The following KAT6B variants were observed in gnomAD, a reference collection of about 807,000 sequenced individuals.
KAT6B encodes the protein histone acetyltransferase KAT6B.
In KAT6B, 10 loss-of-function variants were observed where a neutral mutation model predicts 187.5. The ratio of observed to expected loss-of-function variants is 0.05; its 90% CI spans 0.03 to 0.09. KAT6B has a LOEUF of 0.09. Ranked by LOEUF, KAT6B falls within the 10% of genes least tolerant of loss-of-function variation. The pLI is 1.00. For missense variants in KAT6B, 1,952 were observed against 2,558.9 expected (o/e 0.76, Z 5.12); for synonymous variants, 861 against 926.8 (o/e 0.93, Z 1.29).
chr10:74,897,179 C>T (rs897946403), intron 3 of KAT6B, among the ~76,000 whole-genome samples: 1 of 152,026 alleles, frequency 6.6e-6, no homozygotes, highest in African/African-American at 2.4e-5. Context: ...TTCAGAGAGC[C>T]CTTTTTGTAA....
chr10:75,028,767 G>C lies in KAT6B; in HGVS notation c.3943G>C (p.Gly1315Arg), dbSNP rs756960480. 2.3e-5 allele frequency: 37 copies of C among 1,613,992 alleles called. No individual in the cohort carries two copies. Among genetic ancestry groups the C allele is most frequent in the Non-Finnish European group, 3.0e-5 (35 of 1,180,040 alleles). The change falls in exon 18 of 18, where the codon GGG (glycine) becomes CGG (arginine). Residue 1315 changes from glycine to arginine, a missense_variant. By Grantham distance (125) the Gly-to-Arg change is moderately radical. Around this residue, in one of 9 missense-constraint regions of KAT6B, gnomAD observed 758 missense variants for 891.4 expected, o/e 0.85. Transcript: ENST00000287239. ...IRIEEEVKET[G>R]EALLPQEENR... ...GATTGAGGAGGAGGTCAAGGAAACTGGGGAAGCCCTGTTGCCTCAAGAGGA... is the reference window on the plus strand; with the variant it reads ...GATTGAGGAGGAGGTCAAGGAAACTCGGGAAGCCCTGTTGCCTCAAGAGGA...
chr10:74,970,960 C>T (rs1841810745), intron 6 of KAT6B, among the ~76,000 whole-genome samples: 3 of 152,060 alleles, frequency 2.0e-5, no homozygotes, highest in Admixed American at 2.0e-4. Flanking sequence ...GATTACAAAC[C>T]TGGCAACTAT....
chr10:74,951,423 C>T (rs1337134447), intron 3 of KAT6B, among the ~76,000 whole-genome samples: 1 of 146,392 alleles, frequency 6.8e-6, no homozygotes, highest in Non-Finnish European at 1.5e-5. Flanking sequence ...TGAGCCACCA[C>T]GCCCAGCGAC....
chr10:74,838,065 A>T (rs1389393546), intron 1 of KAT6B, among the ~76,000 whole-genome samples: 5 of 152,148 alleles, frequency 3.3e-5, no homozygotes, highest in African/African-American at 1.2e-4. Context: ...AGTTATTCAC[A>T]ATTGTTCTTT....
At chr10:74,875,751 C>T (rs1844367395) in intron 3 of KAT6B, among the ~76,000 whole-genome samples, 1 of 152,212 alleles carries the variant, frequency 6.6e-6, no homozygotes, top group Non-Finnish European at 1.5e-5. Flanking sequence ...CAGGCATGAG[C>T]CACTGTGCCC....
intron 12 of KAT6B, among the ~76,000 whole-genome samples, chr10:74,986,460 C>A (rs1241796004): frequency 6.6e-6 from 1 of 152,150 alleles, no homozygotes; most frequent in East Asian, 1.9e-4. Context: ...TATAGAAGTG[C>A]CATTTTAATG....
intron 1 of KAT6B, among the ~76,000 whole-genome samples, chr10:74,834,441 C>T (rs1453915312): frequency 6.6e-6 from 1 of 151,750 alleles, no homozygotes; most frequent in Non-Finnish European, 1.5e-5. Context: ...CGTGATCTGC[C>T]CGCCTTGGCC....
chr10:74,830,758 ATATATATATATTTTTTTTTTTTTTTTTTT>A (rs1184917386), intron 1 of KAT6B, among the ~76,000 whole-genome samples: 5 of 27,590 alleles, frequency 1.8e-4, no homozygotes, highest in East Asian at 1.0e-3. Flanking sequence ...ATATATATAT[ATATATATATATTTTTTTTTTTTTTTTTTT>A]TTTTTTTTTT....
In KAT6B at chr10:74,939,070, C is replaced by T. The variant is rs1250431051; in HGVS notation, c.622-20900C>T. Among the ~76,000 whole-genome samples, 16 of 151,990 alleles carry T rather than the reference C, an allele frequency of 1.1e-4. 1 individual carries two copies. Among genetic ancestry groups the T allele is most frequent in the Non-Finnish European group, 2.4e-4 (16 of 67,974 alleles). On this transcript the variant is annotated intron_variant, in intron 3 of 17. Coordinates refer to ENST00000287239, the MANE Select transcript of KAT6B (RefSeq NM_012330.4). The stretch of plus-strand genomic sequence containing the variant: ...TTCTTAACACACACACACACACACA[C>T]ACACACACCAGTCCCCTTGTATTCA...
chr10:74,850,014 C>T (rs1842370939), intron 3 of KAT6B, among the ~76,000 whole-genome samples: 1 of 151,744 alleles, frequency 6.6e-6, no homozygotes, highest in Non-Finnish European at 1.5e-5. Flanking sequence ...TCTCGCCTCA[C>T]TGCAAGCTCC....
intron 13 of KAT6B, among the ~76,000 whole-genome samples, chr10:75,020,290 T>A (rs1271178869): frequency 6.6e-6 from 1 of 152,172 alleles, no homozygotes; most frequent in African/African-American, 2.4e-5. Context: ...TTAGCAGGAG[T>A]AATGTCTTCA....
At chr10:74,866,209 ATGTTAT>A (rs1488256324) in intron 3 of KAT6B, among the ~76,000 whole-genome samples, 2 of 151,756 alleles carry the variant, frequency 1.3e-5, no homozygotes, top group Non-Finnish European at 2.9e-5. Flanking sequence ...AATGGCATTA[ATGTTAT>A]TGTTCTTCAA....
intron 3 of KAT6B, among the ~76,000 whole-genome samples, chr10:74,911,472 T>C (rs1022360023): frequency 2.6e-5 from 4 of 152,182 alleles, no homozygotes; most frequent in Admixed American, 6.5e-5. Flanking sequence ...TTCACCATGT[T>C]GGCCAGGCTG....
chr10:74,981,302 T>TTCCTTC (rs1842491142), intron 10 of KAT6B, among the ~76,000 whole-genome samples: 1 of 126,670 alleles, frequency 7.9e-6, no homozygotes, highest in African/African-American at 4.1e-5. Flanking sequence ...TTTCTTTCTT[T>TTCCTTC]CTTTCTTCCT....
chr10:74,987,157 C>T (rs143624828), intron 12 of KAT6B, among the ~76,000 whole-genome samples: 109 of 152,114 alleles, frequency 7.2e-4, no homozygotes, highest in African/African-American at 2.5e-3. Context: ...TAGATGAGGC[C>T]GGGTGCGGTG....
At chr10:74,852,486 G>C (rs1373583849) in intron 3 of KAT6B, among the ~76,000 whole-genome samples, 2 of 152,202 alleles carry the variant, frequency 1.3e-5, no homozygotes, top group Non-Finnish European at 2.9e-5. Flanking sequence ...CACAATAGCA[G>C]TGTCTGAGGA....
At chr10:74,913,704 G>T (rs6480764) in intron 3 of KAT6B, among the ~76,000 whole-genome samples, 46,623 of 152,148 alleles carry the variant, frequency 0.31, 12,810 homozygotes, top group African/African-American at 0.72. Context: ...TACACAAAGG[G>T]GAAAGAAAAC....
chr10:74,915,936 G>T (rs1157285437), intron 3 of KAT6B, among the ~76,000 whole-genome samples: 1 of 152,190 alleles, frequency 6.6e-6, no homozygotes, highest in Non-Finnish European at 1.5e-5. Flanking sequence ...GGAGGCCAAG[G>T]CAGGTGGATC....
chr10:75,001,479 C>T (rs1180346971), intron 13 of KAT6B, among the ~76,000 whole-genome samples: 2 of 145,298 alleles, frequency 1.4e-5, no homozygotes, highest in Non-Finnish European at 2.9e-5. Context: ...TAATCATATC[C>T]ACTCTCTCAG....
Sources: allele counts gnomAD v4.1 joint callset (sites outside exome capture counted in the v4.1 genomes callset), GRCh38; gene constraint gnomAD v4.1.1; regional missense constraint gnomAD v4.1.1; transcripts MANE v1.5; gene names NCBI Gene and HGNC (gene_info 2026-07-23, HGNC 2026-07-21).